The following ABCD2 variants were observed in gnomAD, a reference collection of about 807,000 sequenced individuals.
The protein encoded by ABCD2 is ATP-binding cassette sub-family D member 2.
ABCD2 carries 36 observed loss-of-function variants against 70.9 expected under a neutral mutation model. The ratio of observed to expected loss-of-function variants is 0.51; its 90% CI spans 0.39 to 0.67. The LOEUF (loss-of-function observed/expected upper bound fraction) is 0.67, where lower values mean the gene tolerates loss of function less well. Ranked by LOEUF, ABCD2 falls within the 30% of genes least tolerant of loss-of-function variation. The pLI is 0.00. For missense variants in ABCD2, 729 were observed against 890.2 expected, an observed-to-expected ratio of 0.82 and a Z score of 2.30; for synonymous variants, 304 against 306.9, an observed-to-expected ratio of 0.99 and a Z score of 0.10.
intron 2 of ABCD2, among the ~76,000 whole-genome samples, chr12:39,611,108 C>T (rs189403900): frequency 9.3e-4 from 141 of 152,250 alleles, no homozygotes; most frequent in Middle Eastern, 3.4e-3. Flanking sequence ...GAAAATTGGT[C>T]ACATGTCTTG....
intron 2 of ABCD2, among the ~76,000 whole-genome samples, chr12:39,610,610 G>T (rs1033806673): frequency 7.9e-5 from 12 of 152,170 alleles, no homozygotes; most frequent in African/African-American, 2.9e-4. Context: ...GGGTTAAAAG[G>T]GATTCAAATA....
At chr12:39,535,305 C>G in the ABCD2 span, among the ~76,000 whole-genome samples, 1 of 152,136 alleles carries the variant, frequency 6.6e-6, no homozygotes, top group African/African-American at 2.4e-5. Context: ...CATATTTAAA[C>G]AAACACAAAC....
At chr12:39,605,761 T>C (rs549442148) in intron 3 of ABCD2, among the ~76,000 whole-genome samples, 181 of 152,276 alleles carry the variant, frequency 1.2e-3, no homozygotes, top group African/African-American at 4.0e-3. Context: ...CTAAGGATAG[T>C]TCTTGCACAA....
chr12:39,548,351 A>AC (rs1253435884), downstream of ABCD2, among the ~76,000 whole-genome samples: 5 of 152,002 alleles, frequency 3.3e-5, 1 homozygote, highest in South Asian at 1.0e-3. Context: ...TCAAAATGTA[A>AC]CCCCCTCTTA....
chr12:39,593,341 T>C (rs566880902), intron 6 of ABCD2, among the ~76,000 whole-genome samples: 1 of 152,212 alleles, frequency 6.6e-6, no homozygotes, highest in African/African-American at 2.4e-5. Context: ...CAGCCTCAAC[T>C]TCCCAGACTC....
At chr12:39,601,128 A>T (rs1338666758) in intron 5 of ABCD2, among the ~76,000 whole-genome samples, 5 of 152,122 alleles carry the variant, frequency 3.3e-5, no homozygotes, top group Admixed American at 6.5e-5. Context: ...AATTAACTGC[A>T]ATTAATAGCT....
At chr12:39,562,680 A>C (rs1182060317) in intron 9 of ABCD2, among the ~76,000 whole-genome samples, 1 of 152,148 alleles carries the variant, frequency 6.6e-6, no homozygotes, top group Non-Finnish European at 1.5e-5. Flanking sequence ...AGGAAATGGA[A>C]TCACATCAAG....
At chr12:39,583,840 A>G (rs1470329326) in intron 7 of ABCD2, among the ~76,000 whole-genome samples, 1 of 152,172 alleles carries the variant, frequency 6.6e-6, no homozygotes. Flanking sequence ...TCATGTTCCC[A>G]CAAAATATAT....
chr12:39,564,588 A>G (rs1449272078), intron 9 of ABCD2, among the ~76,000 whole-genome samples: 2 of 152,000 alleles, frequency 1.3e-5, no homozygotes, highest in Non-Finnish European at 2.9e-5. Flanking sequence ...TTGCCTGTTC[A>G]CTCTAATGGT....
At chr12:39,577,213 CTTT>C (rs1941531254) in intron 8 of ABCD2, among the ~76,000 whole-genome samples, 1 of 151,950 alleles carries the variant, frequency 6.6e-6, no homozygotes, top group Admixed American at 6.5e-5. Flanking sequence ...ATTTTTTCTT[CTTT>C]TTACTTATAT....
chr12:39,576,804 TG>T (rs928333093), intron 8 of ABCD2, among the ~76,000 whole-genome samples: 12 of 152,124 alleles, frequency 7.9e-5, no homozygotes, highest in African/African-American at 2.9e-4. Context: ...GTAACAGAAA[TG>T]TTTTTTTATC....
chr12:39,617,455 A>G, intron 1 of ABCD2, among the ~76,000 whole-genome samples: 1 of 152,136 alleles, frequency 6.6e-6, no homozygotes, highest in Non-Finnish European at 1.5e-5. Flanking sequence ...ACATGAATAA[A>G]CAATTATTAG....
At chr12:39,594,730 T>C (rs572411934) in intron 6 of ABCD2, among the ~76,000 whole-genome samples, 1 of 152,274 alleles carries the variant, frequency 6.6e-6, no homozygotes, top group South Asian at 2.1e-4. Flanking sequence ...TCCCAGCACT[T>C]TGGGAGGCCA....
At chr12:39,562,090 C>A (rs1023917691) in intron 9 of ABCD2, among the ~76,000 whole-genome samples, 1 of 151,948 alleles carries the variant, frequency 6.6e-6, no homozygotes, top group Non-Finnish European at 1.5e-5. Flanking sequence ...ATTGGTTAAC[C>A]AATGGGTCAA....
intron 6 of ABCD2, among the ~76,000 whole-genome samples, chr12:39,588,259 T>C (rs1041564615): frequency 6.6e-6 from 1 of 152,188 alleles, no homozygotes; most frequent in African/African-American, 2.4e-5. Flanking sequence ...ATAAATTCAA[T>C]TGTGGACCCA....
intron 2 of ABCD2, among the ~76,000 whole-genome samples, chr12:39,609,363 A>G (rs1391337670): frequency 6.6e-6 from 1 of 152,206 alleles, no homozygotes; most frequent in African/African-American, 2.4e-5. Context: ...GTACATAACT[A>G]TCTCAAACAG....
At chr12:39,604,102 T>TCTTTATAATTG in intron 4 of ABCD2, 96 bp from the exon 5 acceptor site, 2 of 798,612 alleles carry the variant, frequency 2.5e-6, no homozygotes, top group Non-Finnish European at 3.9e-6. Context: ...ATTTCAATTA[T>TCTTTATAATTG]AAAGATAATT....
At chr12:39,582,302 C>A (rs1421940950) in intron 7 of ABCD2, among the ~76,000 whole-genome samples, 2 of 152,092 alleles carry the variant, frequency 1.3e-5, no homozygotes, top group Non-Finnish European at 2.9e-5. Context: ...CACAACTTGC[C>A]ATGGGACTCT....
At chr12:39,554,750 C>T (rs926975556) in intron 9 of ABCD2, among the ~76,000 whole-genome samples, 1 of 152,118 alleles carries the variant, frequency 6.6e-6, no homozygotes, top group Admixed American at 6.6e-5. Flanking sequence ...GATTATTTTA[C>T]TGATGAGATA....
Sources: allele counts gnomAD v4.1 joint callset (sites outside exome capture counted in the v4.1 genomes callset), GRCh38; gene constraint gnomAD v4.1.1; transcripts MANE v1.5; gene names NCBI Gene and HGNC (gene_info 2026-07-23, HGNC 2026-07-21).